PIWIL3: variants seen among roughly 807,000 people sequenced by gnomAD.
PIWIL3 encodes piwi-like protein 3.
In PIWIL3, 101 loss-of-function variants were observed where a neutral mutation model predicts 109.7. That is an observed-to-expected ratio of 0.92 (90% CI 0.78 to 1.09). PIWIL3 has a LOEUF of 1.09. Ranked by LOEUF, PIWIL3 falls within the 50% of genes least tolerant of loss-of-function variation. PIWIL3 has a pLI of 0.00. For synonymous variants in PIWIL3, 373 were observed against 376.4 expected (o/e 0.99, Z 0.10); for missense variants, 1,031 against 1,072.6 (o/e 0.96, Z 0.54).
rs1215239771 is a variant in PIWIL3, at chr22:24,757,992, G to A, written c.271C>T (p.Gln91Ter). The A allele has an allele frequency of 1.2e-6, 2 of 1,613,752 alleles. No individual in the cohort carries two copies. Among genetic ancestry groups the A allele is most frequent in the Non-Finnish European group, 1.7e-6 (2 of 1,179,912 alleles). The stretch of plus-strand genomic sequence containing the variant: ...AAAACTCCACCAATCCTTCTCTCCT[G>A]CAAGGGCGCTGTATGCAACCCAGCC... Reference protein sequence around the residue: ...PEAGLHTAPLQERRIGGVFQD... With the variant: ...PEAGLHTAPL The change falls in exon 4 of 21, where the codon CAG (glutamine) becomes TAG (stop). Residue 91 changes from glutamine to a stop codon, truncating the protein, a stop_gained. Transcript: ENST00000616349. LOFTEE classifies it high-confidence loss of function.
At chr22:24,747,386 A>G (rs1924435274) in intron 12 of PIWIL3, among the ~76,000 whole-genome samples, 1 of 152,204 alleles carries the variant, frequency 6.6e-6, no homozygotes, top group Non-Finnish European at 1.5e-5. Flanking sequence ...TCTCCAGGAC[A>G]TTAGAGTGAG....
chr22:24,748,226 A>G (rs1924486638), intron 12 of PIWIL3, among the ~76,000 whole-genome samples: 2 of 152,204 alleles, frequency 1.3e-5, no homozygotes, highest in Non-Finnish European at 2.9e-5. Flanking sequence ...GATCTACAAG[A>G]TGAAAACAAT....
chr22:24,758,004 T>G lies in PIWIL3; in HGVS notation c.259A>C (p.Thr87Pro). 6.2e-7 allele frequency: 1 copy of G among 1,613,918 alleles called. No homozygotes were observed. The highest frequency in any genetic ancestry group is 1.1e-5 in the South Asian group (1 of 91,022). The change falls in exon 4 of 21, where the codon ACA becomes CCA. Residue 87 changes from threonine to proline, a missense_variant. Physicochemically the swap from Thr to Pro is conservative, Grantham distance 38. Transcript: ENST00000616349. Reference sequence around the variant, plus strand: ...ATCCTTCTCTCCTGCAAGGGCGCTGTATGCAACCCAGCCTCAGGTCCAGGT... The same window carrying G: ...ATCCTTCTCTCCTGCAAGGGCGCTGGATGCAACCCAGCCTCAGGTCCAGGT... ...KEPGPEAGLH[T>P]APLQERRIGG...
intron 18 of PIWIL3, among the ~76,000 whole-genome samples, chr22:24,723,685 CTT>C (rs71320782): frequency 3.7e-4 from 57 of 152,126 alleles, no homozygotes; most frequent in Non-Finnish European, 6.2e-4. Context: ...TGGATTTCTT[CTT>C]TTTTTGAGAT....
Position 24,756,694 on chromosome 22 carries a change from T to C in PIWIL3, c.367A>G (p.Thr123Ala), listed in dbSNP as rs765422858. 6.2e-7 allele frequency: 1 copy of C among 1,613,110 alleles called. No homozygotes were observed. The highest frequency in any genetic ancestry group is 8.5e-7 in the Non-Finnish European group (1 of 1,179,330). The change falls in exon 5 of 21, where the codon ACA (threonine) becomes GCA (alanine). Residue 123 changes from threonine to alanine, a missense_variant. By Grantham distance (58) the Thr-to-Ala change is moderately conservative. Coordinates refer to ENST00000616349, the MANE Select transcript of PIWIL3 (RefSeq NM_001255975.1). ...VKDSKTGSEG[T>A]VVQLLANHFR... is the part of the protein sequence containing the mutation. ...TGGTTGGCGAGTAGCTGTACCACTG[T>C]ACCCTCTGAACCTGAAAAATGGAGC...
rs57209194 is a variant in PIWIL3, at chr22:24,770,660, TAA to T, written c.-23+3660_-23+3661del. Reference sequence around the variant, plus strand: ...CGACATGGTGAAACCCCGTCTCTACTAAAAAAAAAAAAAAAAAAACAAAAATT... The same window carrying T: ...CGACATGGTGAAACCCCGTCTCTACTAAAAAAAAAAAAAAAAACAAAAATT... On this transcript the variant is annotated intron_variant, in intron 1 of 20. Coordinates refer to ENST00000616349, the MANE Select transcript of PIWIL3 (RefSeq NM_001255975.1). Among the ~76,000 whole-genome samples, 3 of 77,586 alleles carry T rather than the reference TAA, an allele frequency of 3.9e-5. No individual in the cohort carries two copies. The East Asian group carries it at 1.3e-3, about 34-fold the overall frequency. 50.9% of individuals were successfully genotyped at this position (77,586 alleles called of 152,430 possible).
At chr22:24,766,617 T>C (rs62232191) in intron 1 of PIWIL3, among the ~76,000 whole-genome samples, 31,594 of 151,968 alleles carry the variant, frequency 0.21, 3,517 homozygotes, top group Admixed American at 0.32. Context: ...CCACCGCGCC[T>C]GGCCTAGCCT....
chr22:24,766,237 T>C (rs1042841936), intron 1 of PIWIL3, among the ~76,000 whole-genome samples: 3 of 152,096 alleles, frequency 2.0e-5, no homozygotes, highest in African/African-American at 7.2e-5. Flanking sequence ...TCATCCCATC[T>C]CAGCCTCCCG....
intron 9 of PIWIL3, among the ~76,000 whole-genome samples, chr22:24,751,105 C>T (rs919550623): frequency 2.0e-5 from 3 of 150,382 alleles, no homozygotes; most frequent in Non-Finnish European, 4.4e-5. Context: ...GCCTGGGAGA[C>T]GGAACGAGAC....
intron 19 of PIWIL3, among the ~76,000 whole-genome samples, chr22:24,720,276 T>G (rs1277364879): frequency 6.9e-6 from 1 of 144,156 alleles, no homozygotes; most frequent in African/African-American, 2.6e-5. Flanking sequence ...TTTTTTTTTT[T>G]TTTTTTTTTT....
At position 24,719,508 on chromosome 22, in the gene PIWIL3, C is replaced by T. The variant is rs191388762; in HGVS notation, c.2586G>A (p.Pro862=). The T allele has an allele frequency of 1.9e-5, 31 of 1,602,768 alleles. No homozygotes were observed. In the African/African-American group the frequency reaches 2.0e-4, roughly 10 times the overall value. ...AGAGACGAGTTGACAAGGAACGATTCGGTTCCTGGTGAATGGACTGCCCCA... is the reference window on the plus strand; with the variant it reads ...AGAGACGAGTTGACAAGGAACGATTTGGTTCCTGGTGAATGGACTGCCCCA... ...YLVGQSIHQE[P]NRSLSTRLFY... The change falls in exon 21 of 21, where the codon CCG becomes CCA. Residue 862 remains proline, a synonymous_variant. Transcript: ENST00000616349.
chr22:24,730,109 G>A (rs1453583856), intron 14 of PIWIL3, among the ~76,000 whole-genome samples: 3 of 152,098 alleles, frequency 2.0e-5, no homozygotes, highest in African/African-American at 7.2e-5. Flanking sequence ...GCTTACGCCT[G>A]TAATCCCAGT....
chr22:24,753,941 T>C, intron 8 of PIWIL3, 73 bp downstream of exon 8: 1 of 1,316,770 alleles, frequency 7.6e-7, no homozygotes, highest in Non-Finnish European at 1.1e-6. Flanking sequence ...ATTAGAAAAC[T>C]ATAGGACCAT....
At chr22:24,759,606 G>A (rs578196899) in intron 3 of PIWIL3, among the ~76,000 whole-genome samples, 2 of 152,226 alleles carry the variant, frequency 1.3e-5, no homozygotes, top group Non-Finnish European at 2.9e-5. Flanking sequence ...CTGCAGATGT[G>A]TCATCTAAAT....
rs571675601 is a variant in PIWIL3, at chr22:24,755,724, C to T, written c.692+60G>A. 5 of 1,596,902 alleles carry T rather than the reference C, an allele frequency of 3.1e-6. No homozygotes were observed. The East Asian group carries it at 9.0e-5, about 29-fold the overall frequency. On this transcript the variant is annotated intron_variant, in intron 6 of 20. Transcript: ENST00000616349. ...GCTAGAAGCAAATGGCTGTATTCCA[C>T]ACCACTACACAGTAAAACAACCGAA... is the stretch of plus-strand genomic sequence containing the variant.
intron 19 of PIWIL3, among the ~76,000 whole-genome samples, chr22:24,720,606 T>C (rs1475598743): frequency 6.6e-6 from 1 of 152,146 alleles, no homozygotes; most frequent in East Asian, 1.9e-4. Flanking sequence ...GTAAGATTGA[T>C]CTATGTGTTA....
chr22:24,723,669 T>C (rs7292084), intron 18 of PIWIL3, among the ~76,000 whole-genome samples: 99,822 of 151,982 alleles, frequency 0.66, 33,270 homozygotes, highest in East Asian at 0.81. Context: ...TGGCAGACTA[T>C]GTTCATGGAT....
At chr22:24,735,400 T>C (rs1282322926) in intron 13 of PIWIL3, among the ~76,000 whole-genome samples, 2 of 152,250 alleles carry the variant, frequency 1.3e-5, no homozygotes, top group African/African-American at 4.8e-5. Flanking sequence ...CTCTTACTTT[T>C]GCTGTAAACC....
chr22:24,748,666 A>G (rs924478712), intron 12 of PIWIL3, among the ~76,000 whole-genome samples: 1 of 152,228 alleles, frequency 6.6e-6, no homozygotes, highest in Non-Finnish European at 1.5e-5. Context: ...GAAAAAATGG[A>G]TCTTCCAAAT....
Sources: gnomAD v4.1 joint callset for allele counts (sites outside exome capture counted in the v4.1 genomes callset) on GRCh38, gnomAD v4.1.1 for gene constraint, MANE v1.5 for transcripts, NCBI Gene and HGNC (gene_info 2026-07-23, HGNC 2026-07-21) for gene names.